ATP8A2: variants seen among roughly 807,000 people sequenced by gnomAD.
ATP8A2 encodes the protein phospholipid-transporting ATPase IB.
ATP8A2 carries 100 observed loss-of-function variants against 165.6 expected under a neutral mutation model. That is an observed-to-expected ratio of 0.60 (90% CI 0.51 to 0.71). The LOEUF is 0.71. ATP8A2 is among the 30% of genes least tolerant of loss of function. The probability of loss-of-function intolerance (pLI) is 0.00; values close to 1 mark genes in which losing one functional copy is unlikely to be tolerated. For missense variants in ATP8A2, 1,227 were observed against 1,479.5 expected, an observed-to-expected ratio of 0.83 and a Z score of 2.80; for synonymous variants, 543 against 548.8, an observed-to-expected ratio of 0.99 and a Z score of 0.15.
intron 25 of ATP8A2, among the ~76,000 whole-genome samples, chr13:25,712,227 A>G (rs1437989897): frequency 6.6e-6 from 1 of 152,146 alleles, no homozygotes; most frequent in East Asian, 1.9e-4. Context: ...CTTTTGGCTT[A>G]ATGGGTCAGG....
At chr13:25,592,644 G>A (rs1397275303) in intron 24 of ATP8A2, among the ~76,000 whole-genome samples, 1 of 152,102 alleles carries the variant, frequency 6.6e-6, no homozygotes, top group East Asian at 1.9e-4. Context: ...TGATTTTCTG[G>A]TTCAAAGGTA....
chr13:25,936,174 C>A (rs1954883429), intron 33 of ATP8A2, among the ~76,000 whole-genome samples: 1 of 152,206 alleles, frequency 6.6e-6, no homozygotes, highest in South Asian at 2.1e-4. Context: ...ACAGGTGTTT[C>A]CTCTGTGTTG....
At chr13:25,972,210 A>G (rs1290283061) in intron 35 of ATP8A2, among the ~76,000 whole-genome samples, 2 of 152,172 alleles carry the variant, frequency 1.3e-5, no homozygotes, top group African/African-American at 2.4e-5. Flanking sequence ...TCAATAAAAT[A>G]TTTTCATCCA....
At chr13:25,411,031 C>G (rs1376031130) in intron 1 of ATP8A2, among the ~76,000 whole-genome samples, 1 of 152,184 alleles carries the variant, frequency 6.6e-6, no homozygotes, top group Non-Finnish European at 1.5e-5. Flanking sequence ...GTTCTGGGCT[C>G]TTAATCTCTC....
In ATP8A2 at chr13:25,699,238, C is replaced by T. The variant is rs538134208; in HGVS notation, c.2277C>T (p.Asp759=). 1.2e-5 allele frequency: 20 copies of T among 1,613,464 alleles called. No homozygotes were observed. Among genetic ancestry groups the T allele is most frequent in the South Asian group, 9.9e-5 (9 of 90,902 alleles). The change falls in exon 25 of 37, where the codon GAC becomes GAT. Residue 759 remains aspartate, a synonymous_variant. Coordinates refer to ENST00000381655, the MANE Select transcript of ATP8A2 (RefSeq NM_016529.6). ...GGAATTTGCTGGGCAAGGAAAATGA[C>T]GTGGCCCTGATCATCGATGGCCACA... The part of the protein sequence containing the change: ...DLGNLLGKEN[D]VALIIDGHTL...
intron 33 of ATP8A2, chr13:25,868,037 G>A: frequency 2.3e-6 from 1 of 436,610 alleles, no homozygotes; most frequent in Non-Finnish European, 4.6e-6. Context: ...CGCTCAGTGA[G>A]AATTTCCTGT....
intron 24 of ATP8A2, among the ~76,000 whole-genome samples, chr13:25,683,551 G>A (rs977462987): frequency 1.3e-5 from 2 of 152,176 alleles, no homozygotes; most frequent in African/African-American, 4.8e-5. Flanking sequence ...GAAGTGCCAG[G>A]ATGCCCTTGC....
intron 24 of ATP8A2, chr13:25,591,289 C>T (rs1188470755): frequency 2.2e-6 from 1 of 456,584 alleles, no homozygotes; most frequent in South Asian, 1.5e-5. Context: ...AATTCTGTGC[C>T]CCTTTGAACA....
chr13:25,671,982 T>C (rs1233625252), intron 24 of ATP8A2, among the ~76,000 whole-genome samples: 1 of 152,198 alleles, frequency 6.6e-6, no homozygotes, highest in East Asian at 1.9e-4. Context: ...AAAGTTTCTC[T>C]CTTTTGTACT....
At chr13:25,603,882 C>A (rs977734794) in intron 24 of ATP8A2, among the ~76,000 whole-genome samples, 2 of 151,864 alleles carry the variant, frequency 1.3e-5, no homozygotes, top group African/African-American at 4.8e-5. Context: ...ATCCTTAGGG[C>A]AGTTGAATAT....
At chr13:25,389,337 A>C (rs532340901) in intron 1 of ATP8A2, among the ~76,000 whole-genome samples, 33 of 152,292 alleles carry the variant, frequency 2.2e-4, no homozygotes, top group African/African-American at 7.5e-4. Context: ...GGGCTTAATG[A>C]GGCCAGTAAT....
intron 35 of ATP8A2, among the ~76,000 whole-genome samples, chr13:25,996,909 C>A (rs1956521175): frequency 6.6e-6 from 1 of 152,254 alleles, no homozygotes; most frequent in South Asian, 2.1e-4. Context: ...GTCTCGAACT[C>A]CTGACCTCAG....
At chr13:25,693,484 G>A (rs2042771585) in intron 24 of ATP8A2, among the ~76,000 whole-genome samples, 1 of 152,156 alleles carries the variant, frequency 6.6e-6, no homozygotes, top group African/African-American at 2.4e-5. Context: ...GTGGTAGGAA[G>A]AGGATTTCAA....
intron 25 of ATP8A2, among the ~76,000 whole-genome samples, chr13:25,725,438 G>T (rs907979375): frequency 1.3e-5 from 2 of 152,218 alleles, no homozygotes. Flanking sequence ...GGTTCAGTCT[G>T]TGCTGACTCT....
At chr13:25,722,629 A>T (rs1034122163) in intron 25 of ATP8A2, among the ~76,000 whole-genome samples, 1 of 151,400 alleles carries the variant, frequency 6.6e-6, no homozygotes, top group Admixed American at 6.6e-5. Flanking sequence ...TTAGTAACAC[A>T]CACTTGGCAC....
chr13:25,378,816 G>A (rs2032734301), intron 1 of ATP8A2, among the ~76,000 whole-genome samples: 1 of 152,240 alleles, frequency 6.6e-6, no homozygotes, highest in Non-Finnish European at 1.5e-5. Context: ...ATGGCAGGCA[G>A]TGCTGTTGGG....
intron 25 of ATP8A2, among the ~76,000 whole-genome samples, chr13:25,728,343 A>T (rs2043540284): frequency 6.6e-6 from 1 of 152,156 alleles, no homozygotes; most frequent in African/African-American, 2.4e-5. Flanking sequence ...TGAAGTGAGG[A>T]TACCTCATGG....
At chr13:25,571,041 C>CG (rs1376982954) in intron 17 of ATP8A2, among the ~76,000 whole-genome samples, 169 bp downstream of exon 17, 1 of 152,168 alleles carries the variant, frequency 6.6e-6, no homozygotes, top group Non-Finnish European at 1.5e-5. Context: ...GTAGAGAGCC[C>CG]GGGATGGGCT....
rs866613899 is a variant in ATP8A2 at position 25,435,140 on chromosome 13, A to G, written c.77-33837A>G. Among the ~76,000 whole-genome samples, 749 of 130,004 alleles carry G rather than the reference A, an allele frequency of 5.8e-3. 7 individuals are homozygous for G. The highest frequency in any genetic ancestry group is 0.021 in the African/African-American group (728 of 34,174). The allele number at this position is 130,004 out of a possible 152,430, so 85.3% of individuals were successfully genotyped here. ...AGGAAATCTTTTTTTTTTTTTTTTG[A>G]GATGGAGTTTTGCTTTTTTGCCCAG... On this transcript the variant is annotated intron_variant, in intron 1 of 36. Coordinates refer to ENST00000381655, the MANE Select transcript of ATP8A2 (RefSeq NM_016529.6).
Sources: gnomAD v4.1 joint callset for allele counts (sites outside exome capture counted in the v4.1 genomes callset) on GRCh38, gnomAD v4.1.1 for gene constraint, MANE v1.5 for transcripts, NCBI Gene and HGNC (gene_info 2026-07-23, HGNC 2026-07-21) for gene names.